Variants in IFT80 observed in about 807,000 individuals in gnomAD.
IFT80 encodes the protein intraflagellar transport 80.
IFT80 carries 79 observed loss-of-function variants against 107.9 expected under a neutral mutation model. The observed-to-expected ratio is 0.73, with a 90% CI of 0.61 to 0.88. The LOEUF (loss-of-function observed/expected upper bound fraction) is 0.88. Ranked by LOEUF, IFT80 falls within the 40% of genes least tolerant of loss-of-function variation. The pLI is 0.00. For missense variants in IFT80, 797 were observed against 914.2 expected (o/e 0.87, Z 1.65); for synonymous variants, 299 against 300.9 (o/e 0.99, Z 0.07).
chr3:160,349,791 G>T (rs1176997897), intron 8 of IFT80, among the ~76,000 whole-genome samples: 1 of 152,104 alleles, frequency 6.6e-6, no homozygotes. Flanking sequence ...GACATAAGCT[G>T]ACTTAAATTT....
chr3:160,337,978 G>A (rs534144097), intron 8 of IFT80, among the ~76,000 whole-genome samples: 66 of 152,190 alleles, frequency 4.3e-4, no homozygotes, highest in South Asian at 3.5e-3. Context: ...TGCTTTGGGC[G>A]TCATCTTTGC....
chr3:160,258,352 C>A lies in IFT80; in HGVS notation c.*173G>T. On this transcript the variant is annotated 3_prime_UTR_variant, in exon 20 of 20. Coordinates refer to ENST00000326448, the MANE Select transcript of IFT80 (RefSeq NM_020800.3). ...CTAAAAAATATAAAAGATAGAAATA[C>A]ATCAATTACTTTGTGTTTCATCTTT... is the stretch of plus-strand genomic sequence containing the variant. 2.6e-6 allele frequency: 2 copies of A among 766,306 alleles called. No homozygotes were observed. The highest frequency in any genetic ancestry group is 2.1e-6 in the Non-Finnish European group (1 of 481,224). The allele number at this position is 766,306 out of a possible 1,614,324, so 47.5% of individuals were successfully genotyped here.
chr3:160,297,034 A>G (rs956943523), intron 12 of IFT80, among the ~76,000 whole-genome samples: 1 of 152,104 alleles, frequency 6.6e-6, no homozygotes, highest in Non-Finnish European at 1.5e-5. Context: ...ATCAATCACT[A>G]TTTAAATAAT....
At chr3:160,325,958 C>T (rs1047214629) in intron 8 of IFT80, among the ~76,000 whole-genome samples, 6 of 151,658 alleles carry the variant, frequency 4.0e-5, no homozygotes, top group Non-Finnish European at 8.8e-5. Flanking sequence ...GTGATAGTAA[C>T]GTTAAATTAA....
chr3:160,304,233 C>T (rs1716654798), intron 10 of IFT80, among the ~76,000 whole-genome samples: 1 of 152,112 alleles, frequency 6.6e-6, no homozygotes, highest in Admixed American at 6.5e-5. Context: ...TAAATGTTTA[C>T]TGTAGGTATT....
chr3:160,258,921 G>T (rs1316441143), intron 19 of IFT80, among the ~76,000 whole-genome samples: 1 of 151,840 alleles, frequency 6.6e-6, no homozygotes, highest in Non-Finnish European at 1.5e-5. Context: ...ACATGGCAAA[G>T]TTCCGAGATG....
intron 9 of IFT80, among the ~76,000 whole-genome samples, chr3:160,312,630 TATAATA>T (rs1337928049): frequency 6.7e-5 from 4 of 60,020 alleles, no homozygotes; most frequent in Admixed American, 2.9e-4. Context: ...AATATATATA[TATAATA>T]AATATATATT....
intron 2 of IFT80, chr3:160,384,309 G>T: frequency 1.1e-4 from 72 of 682,318 alleles, no homozygotes; most frequent in Non-Finnish European, 1.2e-4. Context: ...TGCTTTTTAA[G>T]TATTTAAGTA....
chr3:160,350,399 G>A (rs1720592475), intron 8 of IFT80, among the ~76,000 whole-genome samples: 1 of 134,428 alleles, frequency 7.4e-6, no homozygotes, highest in African/African-American at 2.8e-5. Context: ...CTGGGTGACA[G>A]AGCAAGACTC....
At chr3:160,350,386 A>T (rs1218645891) in intron 8 of IFT80, among the ~76,000 whole-genome samples, 1 of 150,010 alleles carries the variant, frequency 6.7e-6, no homozygotes, top group African/African-American at 2.5e-5. Context: ...ACTGCACTCC[A>T]GCCTGGGTGA....
intron 8 of IFT80, among the ~76,000 whole-genome samples, chr3:160,324,096 G>C (rs1718490080): frequency 6.6e-6 from 1 of 152,078 alleles, no homozygotes; most frequent in South Asian, 2.1e-4. Flanking sequence ...TTGAATCTCT[G>C]AATAGACCAG....
At chr3:160,325,048 A>G (rs1159378081) in intron 8 of IFT80, among the ~76,000 whole-genome samples, 2 of 151,198 alleles carry the variant, frequency 1.3e-5, no homozygotes, top group African/African-American at 4.9e-5. Context: ...AAAGAGAATA[A>G]AATACCTAGG....
intron 5 of IFT80, among the ~76,000 whole-genome samples, chr3:160,371,460 G>C (rs1711522852): frequency 6.6e-6 from 1 of 151,824 alleles, no homozygotes; most frequent in Non-Finnish European, 1.5e-5. Flanking sequence ...GATTTTTTTT[G>C]AGAAAGGGTC....
chr3:160,362,118 G>A (rs960395222), intron 6 of IFT80, among the ~76,000 whole-genome samples: 3 of 152,034 alleles, frequency 2.0e-5, no homozygotes, highest in Non-Finnish European at 4.4e-5. Flanking sequence ...CCACAAAATT[G>A]ATAGACCACT....
At chr3:160,355,066 C>T (rs1720971884) in intron 8 of IFT80, among the ~76,000 whole-genome samples, 1 of 152,154 alleles carries the variant, frequency 6.6e-6, no homozygotes, top group African/African-American at 2.4e-5. Context: ...CCACATAATG[C>T]TGCTGCTTTT....
intron 6 of IFT80, among the ~76,000 whole-genome samples, chr3:160,361,941 A>T (rs1214282728): frequency 6.6e-6 from 1 of 152,224 alleles, no homozygotes; most frequent in Non-Finnish European, 1.5e-5. Context: ...TCTAAAATTG[A>T]CACCCTAACA....
At chr3:160,377,309 C>T (rs1712102407) in intron 4 of IFT80, 121 bp downstream of exon 4, 5 of 675,508 alleles carry the variant, frequency 7.4e-6, no homozygotes, top group African/African-American at 7.2e-5. Flanking sequence ...TAGAACAATA[C>T]TATGCCAATT....
At chr3:160,263,047 T>A (rs1235171735) in intron 19 of IFT80, among the ~76,000 whole-genome samples, 1 of 152,204 alleles carries the variant, frequency 6.6e-6, no homozygotes, top group African/African-American at 2.4e-5. Context: ...TGATAGACAC[T>A]CTAATCACAT....
chr3:160,261,968 T>C (rs1174208070), intron 19 of IFT80, among the ~76,000 whole-genome samples: 1 of 152,150 alleles, frequency 6.6e-6, no homozygotes, highest in Admixed American at 6.5e-5. Context: ...GACTGTATAA[T>C]ACCATTCTCT....
Sources: allele counts gnomAD v4.1 joint callset (sites outside exome capture counted in the v4.1 genomes callset), GRCh38; gene constraint gnomAD v4.1.1; transcripts MANE v1.5; gene names NCBI Gene and HGNC (gene_info 2026-07-23, HGNC 2026-07-21).